Variants in PAK3 observed in about 807,000 individuals in gnomAD.
PAK3 encodes the protein serine/threonine-protein kinase PAK 3.
PAK3 carries 4 observed loss-of-function variants against 41.0 expected under a neutral mutation model. The observed-to-expected ratio is 0.10, with a 90% CI of 0.05 to 0.22. The LOEUF (loss-of-function observed/expected upper bound fraction) is 0.22, where lower values mean the gene tolerates loss of function less well. Among genes scored for constraint, PAK3 ranks in the 10% least tolerant of loss-of-function variants. PAK3 has a pLI of 1.00. For synonymous variants in PAK3, 146 were observed against 139.6 expected (o/e 1.05, Z -0.32); for missense variants, 205 against 409.9 (o/e 0.50, Z 4.32).
At chrX:111,065,220 G>A (rs1372494526) in intron 1 of PAK3, among the ~76,000 whole-genome samples, 1 of 110,964 alleles carries the variant, frequency 9.0e-6, no homozygotes, top group African/African-American at 3.3e-5. Flanking sequence ...ATTATTTTGA[G>A]GTATGTTCCT....
exon 1 of PAK3, chrX:110,944,492 C>T (rs1479450544): frequency 8.9e-6 from 1 of 112,677 alleles, no homozygotes; most frequent in African/African-American, 3.2e-5. Context: ...CGGCTGTGAT[C>T]TCCTATCCCC....
chrX:111,095,947 C>G (rs2092973769), upstream of PAK3, among the ~76,000 whole-genome samples: 1 of 111,400 alleles, frequency 9.0e-6, no homozygotes, highest in Non-Finnish European at 1.9e-5. Context: ...CCACCTCTGT[C>G]TAGACAACCC....
intron 1 of PAK3, among the ~76,000 whole-genome samples, chrX:111,033,165 T>G (rs1165704817): frequency 1.8e-5 from 2 of 111,480 alleles, no homozygotes; most frequent in African/African-American, 6.5e-5. Flanking sequence ...ACATTCTTTA[T>G]GGCCATAGCC....
chrX:111,144,656 G>A (rs2093919416), intron 6 of PAK3, among the ~76,000 whole-genome samples: 2 of 110,895 alleles, frequency 1.8e-5, no homozygotes, highest in African/African-American at 3.3e-5. Context: ...TGTCTTACAA[G>A]GGCTTGTTAT....
Position 111,016,234 on chromosome X carries a change from G to A in PAK3, c.-28+71606G>A. 1.8e-5 allele frequency among the ~76,000 whole-genome samples: 2 copies of A among 112,207 alleles called. 1 individual carries two copies. Among genetic ancestry groups the A allele is most frequent in the Non-Finnish European group, 3.8e-5 (2 of 53,216 alleles). On this transcript the variant is annotated intron_variant, in intron 1 of 14. Transcript: ENST00000425146. ...TAGTTAACTGGAAGCTTAGAGGATA[G>A]CATCTATGATTGGGCCAAAGGAGAG...
Position 111,096,909 on chromosome X carries a change from C to CACACACAA in PAK3, c.-352-479_-352-478insACACAAAC, listed in dbSNP as rs1319991693. Among the ~76,000 whole-genome samples the CACACACAA allele has an allele frequency of 6.4e-3, 694 of 109,110 alleles. 7 individuals are homozygous for CACACACAA. Among genetic ancestry groups the CACACACAA allele is most frequent in the Admixed American group, 0.011 (116 of 10,358 alleles). The allele number at this position is 109,110 out of a possible 115,157, so 94.7% of individuals were successfully genotyped here. A position where few individuals can be genotyped will look rare whatever the true frequency, so the allele number is the denominator to read the frequency against. On this transcript the variant is annotated intron_variant, in intron 1 of 17. Transcript: ENST00000372007. ...ACACACACACACACACACACACACA[C>CACACACAA]ACGAGGAAAGAGAAAAAGTGACGAT...
At chrX:110,997,097 A>G (rs962524582) in intron 1 of PAK3, among the ~76,000 whole-genome samples, 7 of 111,575 alleles carry the variant, frequency 6.3e-5, no homozygotes, top group Admixed American at 4.8e-4. Flanking sequence ...CTAAGACTGT[A>G]TCATACCTAG....
intron 1 of PAK3, among the ~76,000 whole-genome samples, chrX:111,003,012 G>C (rs2091872168): frequency 8.9e-6 from 1 of 112,065 alleles, no homozygotes; most frequent in Admixed American, 9.4e-5. Flanking sequence ...AATGTGTGCT[G>C]TAACAAGCCC....
intron 1 of PAK3, among the ~76,000 whole-genome samples, chrX:111,056,944 C>T (rs1190719728): frequency 8.9e-6 from 1 of 111,848 alleles, no homozygotes; most frequent in Non-Finnish European, 1.9e-5. Context: ...ATTGTACTCT[C>T]AAGTGGCTTT....
chrX:111,031,674 T>A (rs1035388138), intron 1 of PAK3, among the ~76,000 whole-genome samples: 1 of 111,796 alleles, frequency 8.9e-6, no homozygotes, highest in African/African-American at 3.3e-5. Flanking sequence ...TTGTCTTATT[T>A]AGGGGTTACT....
chrX:111,175,462 C>T (rs192349776), intron 11 of PAK3, among the ~76,000 whole-genome samples: 1 of 111,913 alleles, frequency 8.9e-6, no homozygotes, highest in Admixed American at 9.5e-5. Flanking sequence ...CTTTATGTAA[C>T]TCTAAGAAAT....
chrX:111,192,507 TG>T lies in PAK3; in HGVS notation c.883del (p.Ala295ProfsTer2). 2 of 1,027,150 alleles carry T rather than the reference TG, an allele frequency of 1.9e-6. No homozygotes were observed. Among genetic ancestry groups the T allele is most frequent in the Non-Finnish European group, 2.8e-6 (2 of 727,224 alleles). 84.6% of individuals were successfully genotyped at this position (1,027,150 alleles called of 1,213,427 possible). On this transcript the variant is annotated frameshift_variant and splice_region_variant, in exon 13 of 18. Transcript: ENST00000372007. LOFTEE classifies it high-confidence loss of function. ...TCTTGTATTTTAATTGCCATTCAGG[TG>T]GCCATAAAGCAGATGAACCTTCAAC... Reference protein sequence around the residue: ...TALDIATGQEVAIKQMNLQQQ... With the variant: ...TALDIATGQEXAIKQMNLQQQ...
chrX:111,018,236 A>C (rs2092120042), intron 1 of PAK3, among the ~76,000 whole-genome samples: 1 of 111,774 alleles, frequency 8.9e-6, no homozygotes. Context: ...ATGCCTAGAC[A>C]GACAGCAATT....
chrX:111,171,981 T>C (rs998308219), intron 10 of PAK3, among the ~76,000 whole-genome samples: 1 of 111,628 alleles, frequency 9.0e-6, no homozygotes, highest in African/African-American at 3.3e-5. Context: ...ATGATCAAAC[T>C]TTGTTCTTCA....
intron 1 of PAK3, among the ~76,000 whole-genome samples, chrX:111,007,258 G>A (rs1376369305): frequency 9.0e-6 from 1 of 111,454 alleles, no homozygotes. Flanking sequence ...CAGAAAGTCT[G>A]CAGTGGGGCC....
Position 111,047,353 on chromosome X carries a change from A to G in PAK3, c.-27-75724A>G, listed in dbSNP as rs140001169. On this transcript the variant is annotated intron_variant, in intron 1 of 14. Coordinates refer to the PAK3 transcript ENST00000425146. Reference sequence around the variant, plus strand: ...CCGTGTTATCAGAGTAAATGAGAACATACATATATCCTTTATAAGCTGGGA... The same window carrying G: ...CCGTGTTATCAGAGTAAATGAGAACGTACATATATCCTTTATAAGCTGGGA... 2.5e-3 allele frequency among the ~76,000 whole-genome samples: 283 copies of G among 111,673 alleles called. 1 individual carries two copies. Among genetic ancestry groups the G allele is most frequent in the African/African-American group, 8.9e-3 (274 of 30,819 alleles).
intron 1 of PAK3, among the ~76,000 whole-genome samples, chrX:110,962,063 CA>C (rs1373067336): frequency 1.8e-5 from 2 of 111,953 alleles, no homozygotes; most frequent in African/African-American, 6.5e-5. Flanking sequence ...ATTTCTTTCT[CA>C]GCAATTTTAT....
intron 11 of PAK3, among the ~76,000 whole-genome samples, chrX:111,187,929 A>G (rs746235209): frequency 4.3e-5 from 4 of 93,403 alleles, no homozygotes; most frequent in Non-Finnish European, 8.4e-5. Context: ...CAAGAGAACC[A>G]GGGTACAGGG....
intron 1 of PAK3, among the ~76,000 whole-genome samples, chrX:110,945,830 T>C (rs2090606895): frequency 8.9e-6 from 1 of 112,123 alleles, no homozygotes; most frequent in Non-Finnish European, 1.9e-5. Flanking sequence ...TGCTAAACCT[T>C]CTCTTTGACA....
Sources: gnomAD v4.1 joint callset for allele counts (sites outside exome capture counted in the v4.1 genomes callset) on GRCh38, gnomAD v4.1.1 for gene constraint, MANE v1.5 for transcripts, NCBI Gene and HGNC (gene_info 2026-07-23, HGNC 2026-07-21) for gene names.